Variants in AHCTF1 observed in about 807,000 individuals in gnomAD.
AHCTF1 encodes the protein protein ELYS.
In AHCTF1, 24 loss-of-function variants were observed where a neutral mutation model predicts 248.4. That is an observed-to-expected ratio of 0.10 (90% CI 0.07 to 0.14). The LOEUF is 0.14. Ranked by LOEUF, AHCTF1 falls within the 10% of genes least tolerant of loss-of-function variation. The pLI, the probability that AHCTF1 is intolerant of heterozygous loss-of-function variation, is 1.00. For missense variants in AHCTF1, 2,206 were observed against 2,636.2 expected, an observed-to-expected ratio of 0.84 and a Z score of 3.57; for synonymous variants, 786 against 929.8, an observed-to-expected ratio of 0.85 and a Z score of 2.81.
chr1:246,879,562 G>A (rs1051599537), intron 21 of AHCTF1, among the ~76,000 whole-genome samples: 16 of 152,132 alleles, frequency 1.1e-4, no homozygotes, highest in Non-Finnish European at 2.2e-4. Context: ...GGCAGCTCAA[G>A]CCTGTAATCC....
intron 35 of AHCTF1, 64 bp from the exon 36 acceptor site, chr1:246,841,062 C>G: frequency 7.0e-7 from 1 of 1,437,700 alleles, no homozygotes; most frequent in Non-Finnish European, 9.3e-7. Flanking sequence ...AAATTGGCTT[C>G]CCAACATGTT....
rs1299488585 is a variant in AHCTF1, at chr1:246,916,540, A to C, written c.122-145T>G. The C allele has an allele frequency of 5.1e-6, 4 of 787,102 alleles. No individual in the cohort carries two copies. In the African/African-American group the frequency reaches 5.3e-5, roughly 10 times the overall value. 48.8% of individuals were successfully genotyped at this position (787,102 alleles called of 1,614,324 possible). On this transcript the variant is annotated intron_variant, in intron 2 of 35. Transcript: ENST00000648844. ...ATTGAAATCTTTTAATCAAGCAACTATCATTACAATAATAATAGTCATTCA... is the reference window on the plus strand; with the variant it reads ...ATTGAAATCTTTTAATCAAGCAACTCTCATTACAATAATAATAGTCATTCA...
rs74163502 is a variant in AHCTF1, at chr1:246,892,301, C to CTTTTTTTTTTTT, written c.1805-394_1805-383dup. On this transcript the variant is annotated intron_variant, in intron 14 of 35. Coordinates refer to ENST00000648844, the MANE Select transcript of AHCTF1 (RefSeq NM_001323342.2). ...TTAAATCAAATTCTAATTTGTTTTA[C>CTTTTTTTTTTTT]TTTTTTTTTTTTTTTTTTTTTTTTT... Among the ~76,000 whole-genome samples, 8 of 64,966 alleles carry CTTTTTTTTTTTT rather than the reference C, an allele frequency of 1.2e-4. 1 individual carries two copies. The highest frequency in any genetic ancestry group is 2.2e-4 in the Non-Finnish European group (8 of 37,160). The allele number at this position is 64,966 out of a possible 152,430, so 42.6% of individuals were successfully genotyped here.
chr1:246,895,706 T>C (rs900015362), intron 13 of AHCTF1, 129 bp downstream of exon 13: 12 of 739,324 alleles, frequency 1.6e-5, no homozygotes, highest in Admixed American at 8.3e-5. Flanking sequence ...GATCTCTCTA[T>C]TGCATCTTAA....
chr1:246,925,819 C>T (rs920624681), intron 1 of AHCTF1, among the ~76,000 whole-genome samples: 1 of 151,986 alleles, frequency 6.6e-6, no homozygotes, highest in Non-Finnish European at 1.5e-5. Context: ...TGGTGGCTCC[C>T]AGCACTTTGG....
intron 7 of AHCTF1, among the ~76,000 whole-genome samples, chr1:246,903,207 T>G (rs1012516694): frequency 6.6e-6 from 1 of 152,146 alleles, no homozygotes; most frequent in South Asian, 2.1e-4. Flanking sequence ...TATGTGAGGG[T>G]GAACAAAATA....
intron 1 of AHCTF1, chr1:246,931,091 G>T (rs41267539): frequency 2.8e-5 from 43 of 1,546,598 alleles, no homozygotes; most frequent in Non-Finnish European, 3.6e-5. Flanking sequence ...TCACGGCTGA[G>T]CCCCGAGTCC....
chr1:246,930,382 T>C (rs1242668031), intron 1 of AHCTF1, among the ~76,000 whole-genome samples: 1 of 152,144 alleles, frequency 6.6e-6, no homozygotes, highest in Non-Finnish European at 1.5e-5. Context: ...CTTGGTAGTA[T>C]GTTACTGAAG....
chr1:246,890,010 C>G lies in AHCTF1; in HGVS notation c.2100G>C (p.Gln700His), dbSNP rs762203443. The G allele has an allele frequency of 6.2e-7, 1 of 1,612,718 alleles. No individual in the cohort carries two copies. The highest frequency in any genetic ancestry group is 8.5e-7 in the Non-Finnish European group (1 of 1,179,410). Residue 700 changes from glutamine (Q) to histidine (H), a missense_variant, in exon 17 of 36, where the codon CAG becomes CAC. Transcript: ENST00000648844. ...TCTGTCGACGACTGGTGTAGTAGTTCTGAATTACAGGGTAGTTGTAGCATA... is the reference window on the plus strand; with the variant it reads ...TCTGTCGACGACTGGTGTAGTAGTTGTGAATTACAGGGTAGTTGTAGCATA... ...SRLCYNYPVI[Q>H]NYYTSRRQKF...
intron 12 of AHCTF1, among the ~76,000 whole-genome samples, chr1:246,896,620 A>G (rs1477568160): frequency 1.3e-5 from 2 of 152,216 alleles, no homozygotes; most frequent in Non-Finnish European, 2.9e-5. Flanking sequence ...CTTTAGAAGT[A>G]ATAAAAATGT....
intron 24 of AHCTF1, among the ~76,000 whole-genome samples, chr1:246,871,005 G>A (rs773268034): frequency 1.2e-4 from 19 of 152,104 alleles, no homozygotes; most frequent in African/African-American, 3.6e-4. Context: ...AAGTGACTGC[G>A]CTCCCACTGT....
Position 246,840,471 on chromosome 1 carries a change from G to A in AHCTF1, c.*335C>T, listed in dbSNP as rs1659778633. On this transcript the variant is annotated 3_prime_UTR_variant, in exon 36 of 36. Coordinates refer to ENST00000648844, the MANE Select transcript of AHCTF1 (RefSeq NM_001323342.2). ...CTAGTATTTTAATTATAGAGAAAAT[G>A]AGACCAATGAGCATATAAAACTATT... 2 of 155,272 alleles carry A rather than the reference G, an allele frequency of 1.3e-5. No individual in the cohort carries two copies. The highest frequency in any genetic ancestry group is 2.9e-5 in the Non-Finnish European group (2 of 70,104). The allele number at this position is 155,272 out of a possible 1,614,324, so 9.6% of individuals were successfully genotyped here. A position where few individuals can be genotyped will look rare whatever the true frequency, so the allele number is the denominator to read the frequency against.
In AHCTF1 at chr1:246,931,570, C is replaced by T. The variant is rs1667365229; in HGVS notation, c.-8+8G>A. 1 of 197,528 alleles carries T rather than the reference C, an allele frequency of 5.1e-6. No homozygotes were observed. Among genetic ancestry groups the T allele is most frequent in the Non-Finnish European group, 9.1e-6 (1 of 109,866 alleles). The allele number at this position is 197,528 out of a possible 1,614,324, so 12.2% of individuals were successfully genotyped here. On this transcript the variant is annotated splice_region_variant and intron_variant, in intron 1 of 35. Coordinates refer to ENST00000648844, the MANE Select transcript of AHCTF1 (RefSeq NM_001323342.2). Reference sequence around the variant, plus strand: ...GCGGGCCCAACCCCCTCCCTCCCTTCCCCCTACCTGAACGGGGCGGGTGAG... The same window carrying T: ...GCGGGCCCAACCCCCTCCCTCCCTTTCCCCTACCTGAACGGGGCGGGTGAG...
chr1:246,868,974 AGCTGGGACTACAGGC>A (rs1662293669), intron 24 of AHCTF1, among the ~76,000 whole-genome samples: 1 of 142,354 alleles, frequency 7.0e-6, no homozygotes, highest in Non-Finnish European at 1.5e-5. Flanking sequence ...CCTGCTGAGT[AGCTGGGACTACAGGC>A]GCCCGCCACC....
chr1:246,907,161 A>G (rs1476040220), intron 5 of AHCTF1, among the ~76,000 whole-genome samples: 3 of 152,248 alleles, frequency 2.0e-5, no homozygotes, highest in Non-Finnish European at 4.4e-5. Flanking sequence ...ACTGCAGGCA[A>G]CTATAACACA....
At chr1:246,885,427 A>T in intron 21 of AHCTF1, 66 bp downstream of exon 21, 8 of 1,355,260 alleles carry the variant, frequency 5.9e-6, no homozygotes, top group Non-Finnish European at 8.1e-6. Flanking sequence ...GCCACTGTCT[A>T]TCTCATCAAT....
At position 246,900,343 on chromosome 1, in the gene AHCTF1, G is replaced by A. The variant is rs528013816; in HGVS notation, c.1244C>T (p.Ser415Leu). The stretch of plus-strand genomic sequence containing the variant: ...GAAAAAAAAAGAATCATACCTTAAC[G>A]AATCTGGCATTTGTGCATGATACCA... ...NRWYHAQMPD[S>L]LRSGEYLHNC... is the part of the protein sequence containing the mutation. The change falls in exon 9 of 36, where the codon TCG becomes TTG. Residue 415 changes from serine to leucine, a missense_variant. Around this residue, in one of 6 missense-constraint regions of AHCTF1, gnomAD observed 650 missense variants for 870.8 expected, o/e 0.75. Coordinates refer to ENST00000648844, the MANE Select transcript of AHCTF1 (RefSeq NM_001323342.2). 4 of 1,588,436 alleles carry A rather than the reference G, an allele frequency of 2.5e-6. No homozygotes were observed. Among genetic ancestry groups the A allele is most frequent in the African/African-American group, 1.4e-5 (1 of 73,102 alleles).
rs760767548 is a variant in AHCTF1, at chr1:246,850,646, T to G, written c.5360A>C (p.Glu1787Ala). ...TCCTCTGACATCAGAATAGATGTTTTCAGAAGCTTCAGAAATTTCTTTTGC... is the reference window on the plus strand; with the variant it reads ...TCCTCTGACATCAGAATAGATGTTTGCAGAAGCTTCAGAAATTTCTTTTGC... ...RKAKEISEAS[E>A]NIYSDVRGLS... Residue 1787 changes from glutamate to alanine, a missense_variant, in exon 33 of 36, where the codon GAA becomes GCA. By Grantham distance (107) the Glu-to-Ala change is moderately radical. Coordinates refer to ENST00000648844, the MANE Select transcript of AHCTF1 (RefSeq NM_001323342.2). 6.2e-7 allele frequency: 1 copy of G among 1,613,952 alleles called. No individual in the cohort carries two copies. Among genetic ancestry groups the G allele is most frequent in the South Asian group, 1.1e-5 (1 of 91,076 alleles).
intron 4 of AHCTF1, among the ~76,000 whole-genome samples, chr1:246,912,986 T>C (rs1665912814): frequency 6.6e-6 from 1 of 152,208 alleles, no homozygotes; most frequent in African/African-American, 2.4e-5. Context: ...TATCACTACC[T>C]TTCTCAAGGC....
Sources: gnomAD v4.1 joint callset for allele counts (sites outside exome capture counted in the v4.1 genomes callset) on GRCh38, gnomAD v4.1.1 for gene constraint, gnomAD v4.1.1 regional missense constraint, MANE v1.5 for transcripts, NCBI Gene and HGNC (gene_info 2026-07-23, HGNC 2026-07-21) for gene names.